Variants in COL4A1 observed in about 807,000 individuals in gnomAD.
The protein encoded by COL4A1 is collagen alpha-1(IV) chain.
In COL4A1, 40 loss-of-function variants were observed where a neutral mutation model predicts 216.6. That is an observed-to-expected ratio of 0.18 (90% CI 0.14 to 0.24). The LOEUF is 0.24. Among genes scored for constraint, COL4A1 ranks in the 10% least tolerant of loss-of-function variants. The pLI is 1.00. For missense variants in COL4A1, 1,628 were observed against 2,196.8 expected, an observed-to-expected ratio of 0.74 and a Z score of 5.18; for synonymous variants, 839 against 810.7, an observed-to-expected ratio of 1.03 and a Z score of -0.59.
intron 1 of COL4A1, among the ~76,000 whole-genome samples, chr13:110,243,997 G>A (rs1196098644): frequency 1.3e-5 from 2 of 152,194 alleles, no homozygotes; most frequent in East Asian, 3.9e-4. Flanking sequence ...CACAGGTATT[G>A]TGGACAGAAT....
intron 2 of COL4A1, among the ~76,000 whole-genome samples, chr13:110,230,257 TGTGTATATGTTATGTGTGTGGTGC>T (rs973065204): frequency 3.3e-5 from 5 of 151,796 alleles, no homozygotes; most frequent in African/African-American, 1.2e-4. Flanking sequence ...GTGTGTGGTG[TGTGTATATGTTATGTGTGTGGTGC>T]GTGTATATGT....
At position 110,246,980 on chromosome 13, in the gene COL4A1, G is replaced by T. The variant is rs138858346; in HGVS notation, c.85-4246C>A. ...GTTCTCAAAGGAAAGAAAGGCGGGG[G>T]TCTCGGTCTCTCTTATAAAAGCAGA... On this transcript the variant is annotated intron_variant, in intron 1 of 51. Transcript: ENST00000375820. 4.0e-3 allele frequency among the ~76,000 whole-genome samples: 610 copies of T among 152,272 alleles called. 15 individuals carry two copies. The South Asian group carries it at 0.072, about 18-fold the overall frequency.
chr13:110,205,649 G>A (rs1345298365), intron 15 of COL4A1, 111 bp from the exon 16 acceptor site: 2 of 1,187,558 alleles, frequency 1.7e-6, no homozygotes, highest in African/African-American at 3.0e-5. Flanking sequence ...GATCACCTGA[G>A]GTCAGGAGTT....
rs202002553 is a variant in COL4A1 at position 110,175,208 on chromosome 13, C to G, written c.3198+10G>C. ...GAGAAGGGGACCTTTCCACGCAGAG[C>G]GCTGGTTACCTTTTCACCTCGCAGC... On this transcript the variant is annotated intron_variant, in intron 37 of 51. Transcript: ENST00000375820. 7 of 1,614,188 alleles carry G rather than the reference C, an allele frequency of 4.3e-6. No homozygotes were observed. Among genetic ancestry groups the G allele is most frequent in the Non-Finnish European group, 5.1e-6 (6 of 1,180,020 alleles).
chr13:110,284,655 T>C (rs1883768881), intron 1 of COL4A1, among the ~76,000 whole-genome samples: 1 of 152,216 alleles, frequency 6.6e-6, no homozygotes, highest in South Asian at 2.1e-4. Flanking sequence ...CCCATAGCTG[T>C]CTTCTTTTTG....
chr13:110,306,756 T>G (rs998919248), intron 1 of COL4A1, among the ~76,000 whole-genome samples, 188 bp downstream of exon 1: 2 of 152,148 alleles, frequency 1.3e-5, no homozygotes, highest in Non-Finnish European at 2.9e-5. Context: ...CAAAGGAGGC[T>G]CGGTCCACCA....
intron 1 of COL4A1, among the ~76,000 whole-genome samples, chr13:110,254,349 G>A (rs894851783): frequency 5.9e-5 from 9 of 152,302 alleles, no homozygotes; most frequent in Admixed American, 5.2e-4. Context: ...CCCATCAACA[G>A]AACTCTCTTT....
At chr13:110,302,786 G>A (rs553297953) in intron 1 of COL4A1, among the ~76,000 whole-genome samples, 14 of 152,302 alleles carry the variant, frequency 9.2e-5, no homozygotes, top group Non-Finnish European at 1.6e-4. Flanking sequence ...TTGTTCTATA[G>A]TTGACATTTT....
At chr13:110,229,684 C>T (rs113077394) in intron 2 of COL4A1, among the ~76,000 whole-genome samples, 28 of 152,292 alleles carry the variant, frequency 1.8e-4, no homozygotes, top group Middle Eastern at 3.4e-3. Flanking sequence ...CCCGCCCTCG[C>T]GCTGCCTATG....
chr13:110,305,364 C>T (rs945838244), intron 1 of COL4A1, among the ~76,000 whole-genome samples: 2 of 152,366 alleles, frequency 1.3e-5, no homozygotes, highest in East Asian at 3.9e-4. Context: ...ATTTGCGTAA[C>T]TGAGTGGTTC....
At chr13:110,192,759 C>T in intron 23 of COL4A1, 71 bp downstream of exon 23, 1 of 1,343,348 alleles carries the variant, frequency 7.4e-7, no homozygotes, top group East Asian at 2.3e-5. Flanking sequence ...GGAGTGAAAT[C>T]CCTTTCACAG....
chr13:110,219,668 A>ATATATATGTGTG (rs1566384712), intron 2 of COL4A1, among the ~76,000 whole-genome samples: 1 of 45,418 alleles, frequency 2.2e-5, no homozygotes. Context: ...ATATGTATAT[A>ATATATATGTGTG]TATATATATG....
At chr13:110,252,109 C>A (rs1882097102) in intron 1 of COL4A1, among the ~76,000 whole-genome samples, 1 of 152,064 alleles carries the variant, frequency 6.6e-6, no homozygotes, top group Admixed American at 6.6e-5. Flanking sequence ...CTGCAACCTC[C>A]CTCTCCCGGG....
intron 48 of COL4A1, chr13:110,161,912 A>G (rs1877103873): frequency 2.4e-6 from 1 of 418,564 alleles, no homozygotes. Context: ...CAAATTGTTA[A>G]GTGCACTCCA....
chr13:110,219,668 A>ATATATG (rs1880282531), intron 2 of COL4A1, among the ~76,000 whole-genome samples: 2 of 45,418 alleles, frequency 4.4e-5, no homozygotes, highest in African/African-American at 6.5e-5. Flanking sequence ...ATATGTATAT[A>ATATATG]TATATATATG....
intron 2 of COL4A1, among the ~76,000 whole-genome samples, chr13:110,236,999 C>T (rs1388480188): frequency 1.3e-5 from 2 of 152,062 alleles, no homozygotes; most frequent in South Asian, 2.1e-4. Context: ...GGCTGGAGGC[C>T]CACGTTGACT....
chr13:110,259,412 T>A (rs964684424), intron 1 of COL4A1, among the ~76,000 whole-genome samples: 9 of 152,268 alleles, frequency 5.9e-5, no homozygotes, highest in Middle Eastern at 3.4e-3. Context: ...TTAAAAAAAA[T>A]TTTTAAGCGT....
chr13:110,171,479 TA>T (rs1383547098), intron 41 of COL4A1, among the ~76,000 whole-genome samples: 1 of 152,142 alleles, frequency 6.6e-6, no homozygotes, highest in African/African-American at 2.4e-5. Context: ...GAAACTTCAA[TA>T]GAGCAGGTTT....
At chr13:110,260,852 A>AT (rs1238534525) in intron 1 of COL4A1, among the ~76,000 whole-genome samples, 2 of 152,020 alleles carry the variant, frequency 1.3e-5, no homozygotes, top group Non-Finnish European at 2.9e-5. Context: ...GATGGAGACC[A>AT]CGGTGAAACC....
Sources: allele counts gnomAD v4.1 joint callset (sites outside exome capture counted in the v4.1 genomes callset), GRCh38; gene constraint gnomAD v4.1.1; transcripts MANE v1.5; gene names NCBI Gene and HGNC (gene_info 2026-07-23, HGNC 2026-07-21).